Variants in MTARC2 observed in about 807,000 individuals in gnomAD.
The protein encoded by MTARC2 is MOCO sulphurase C-terminal domain containing 2.
A neutral mutation model predicts 35.6 loss-of-function variants in MTARC2; 27 were observed. The observed-to-expected ratio is 0.76, with a 90% CI of 0.56 to 1.04. The LOEUF is 1.04. Among genes scored for constraint, MTARC2 ranks in the 50% least tolerant of loss-of-function variants. The pLI is 0.00. For missense variants in MTARC2, 412 were observed against 432.5 expected, an observed-to-expected ratio of 0.95 and a Z score of 0.42; for synonymous variants, 158 against 167.1, an observed-to-expected ratio of 0.95 and a Z score of 0.42.
chr1:220,761,859 A>G (rs1030781884), intron 3 of MTARC2, 39 bp downstream of exon 3: 3 of 1,546,806 alleles, frequency 1.9e-6, no homozygotes, highest in Non-Finnish European at 2.6e-6. Flanking sequence ...GCTACTAGTC[A>G]CCCTTCTCTT....
intron 4 of MTARC2, among the ~76,000 whole-genome samples, 157 bp downstream of exon 4, chr1:220,763,207 T>C (rs1671488699): frequency 6.6e-6 from 1 of 152,036 alleles, no homozygotes; most frequent in Non-Finnish European, 1.5e-5. Context: ...TGTTCACCCA[T>C]TGTTGCTGCC....
chr1:220,770,179 T>C (rs534188645), intron 4 of MTARC2, among the ~76,000 whole-genome samples: 178 of 152,322 alleles, frequency 1.2e-3, no homozygotes, highest in Middle Eastern at 6.8e-3. Flanking sequence ...CTAGCTTTTT[T>C]GTAAGTGAAC....
chr1:220,764,135 C>T (rs1438968150), intron 4 of MTARC2, among the ~76,000 whole-genome samples: 1 of 151,864 alleles, frequency 6.6e-6, no homozygotes, highest in Non-Finnish European at 1.5e-5. Context: ...GCTCTGTCAC[C>T]CAGGCTGGAG....
chr1:220,748,682 C>T lies in MTARC2; in HGVS notation c.151C>T (p.Leu51=). Residue 51 remains leucine (L), a synonymous_variant, in exon 1 of 8, where the codon CTG becomes TTG. Transcript: ENST00000366913. ...CGCATGGCCCAGGCGGCGCCGGCGGCTGCAGCAGGTGGGCACCGTGGCGAA... is the reference window on the plus strand; with the variant it reads ...CGCATGGCCCAGGCGGCGCCGGCGGTTGCAGCAGGTGGGCACCGTGGCGAA... The part of the protein sequence containing the change: ...RRAWPRRRRR[L]QQVGTVAKLW... 6.3e-7 allele frequency: 1 copy of T among 1,586,914 alleles called. No homozygotes were observed. Among genetic ancestry groups the T allele is most frequent in the East Asian group, 2.3e-5 (1 of 42,646 alleles).
intron 4 of MTARC2, among the ~76,000 whole-genome samples, chr1:220,776,594 A>C (rs777925114): frequency 7.9e-5 from 12 of 152,190 alleles, no homozygotes; most frequent in Non-Finnish European, 1.8e-4. Context: ...TATTTTAGGA[A>C]GTAACTAGAG....
At position 220,753,942 on chromosome 1, in the gene MTARC2, C is replaced by G. The variant is rs573106485; in HGVS notation, c.273-1005C>G. Among the ~76,000 whole-genome samples the G allele has an allele frequency of 2.0e-5, 3 of 152,132 alleles. No individual in the cohort carries two copies. In the East Asian group the frequency reaches 5.8e-4, roughly 29 times the overall value. Reference sequence around the variant, plus strand: ...GTACACACCTGTAATCCCAGCTACCCGGGAGGCTAAGGCAAGAGAATCACT... The same window carrying G: ...GTACACACCTGTAATCCCAGCTACCGGGGAGGCTAAGGCAAGAGAATCACT... On this transcript the variant is annotated intron_variant, in intron 1 of 7. Coordinates refer to ENST00000366913, the MANE Select transcript of MTARC2 (RefSeq NM_017898.5).
chr1:220,782,080 A>C, intron 7 of MTARC2, 148 bp downstream of exon 7: 1 of 697,736 alleles, frequency 1.4e-6, no homozygotes, highest in Non-Finnish European at 2.2e-6. Context: ...AATGCCCTTA[A>C]TTTCTGTTCC....
chr1:220,756,629 G>A (rs1301489056), intron 2 of MTARC2, among the ~76,000 whole-genome samples: 1 of 152,230 alleles, frequency 6.6e-6, no homozygotes, highest in African/African-American at 2.4e-5. Flanking sequence ...CATTGAAGAG[G>A]AAGTGTGTAG....
At chr1:220,782,960 T>A (rs778232883) in intron 7 of MTARC2, among the ~76,000 whole-genome samples, 1 of 152,262 alleles carries the variant, frequency 6.6e-6, no homozygotes, top group Admixed American at 6.5e-5. Context: ...ATATCAGTTA[T>A]GTTTTTTATT....
chr1:220,781,636 CCA>C, intron 6 of MTARC2, 140 bp from the exon 7 acceptor site: 1 of 785,216 alleles, frequency 1.3e-6, no homozygotes, highest in Non-Finnish European at 2.0e-6. Context: ...GACTAATTGT[CCA>C]CAGACTTCTC....
chr1:220,770,646 T>C (rs1440228443), intron 4 of MTARC2: 8 of 861,046 alleles, frequency 9.3e-6, no homozygotes, highest in Middle Eastern at 5.9e-4. Flanking sequence ...ATGGACAAAG[T>C]GTGCTGAAAA....
Position 220,748,417 on chromosome 1 carries a change from G to C in MTARC2, c.-115G>C. The stretch of plus-strand genomic sequence containing the variant: ...CGGTGAAAGTGTGAGAGGGTCCGTA[G>C]TTGGGTCAACTTTGACTCCTCTCGC... On this transcript the variant is annotated 5_prime_UTR_variant, in exon 1 of 8. Transcript: ENST00000366913. 9.0e-7 allele frequency: 1 copy of C among 1,106,000 alleles called. No individual in the cohort carries two copies. The highest frequency in any genetic ancestry group is 1.2e-6 in the Non-Finnish European group (1 of 859,438). 68.5% of individuals were successfully genotyped at this position (1,106,000 alleles called of 1,614,324 possible). A position where few individuals can be genotyped will look rare whatever the true frequency, so the allele number is the denominator to read the frequency against.
intron 7 of MTARC2, among the ~76,000 whole-genome samples, chr1:220,783,412 C>T (rs1466179477): frequency 6.6e-6 from 1 of 152,188 alleles, no homozygotes; most frequent in Non-Finnish European, 1.5e-5. Context: ...ATCCTGTGTC[C>T]TGCTGTTCCA....
At position 220,784,545 on chromosome 1, in the gene MTARC2, G is replaced by A. The variant is rs1318539298; in HGVS notation, c.*658G>A. 1 of 152,228 alleles carries A rather than the reference G, an allele frequency of 6.6e-6. No individual in the cohort carries two copies. Among genetic ancestry groups the A allele is most frequent in the African/African-American group, 2.4e-5 (1 of 41,428 alleles). 9.4% of individuals were successfully genotyped at this position (152,228 alleles called of 1,614,324 possible). A position where few individuals can be genotyped will look rare whatever the true frequency, so the allele number is the denominator to read the frequency against. On this transcript the variant is annotated 3_prime_UTR_variant, in exon 8 of 8. Transcript: ENST00000366913. ...CCACATAAAAGTAATCTGTTTGTGTGTAACTGCCAGATATACCACCTGGAA... is the reference window on the plus strand; with the variant it reads ...CCACATAAAAGTAATCTGTTTGTGTATAACTGCCAGATATACCACCTGGAA...
At chr1:220,762,781 C>T (rs2102552658) in intron 3 of MTARC2, 129 bp from the exon 4 acceptor site, 1 of 986,736 alleles carries the variant, frequency 1.0e-6, no homozygotes, top group Non-Finnish European at 1.5e-6. Context: ...TCACATCTCT[C>T]TCCTTCCTGA....
chr1:220,780,738 C>G (rs755297145), intron 6 of MTARC2, among the ~76,000 whole-genome samples: 5 of 152,246 alleles, frequency 3.3e-5, no homozygotes, highest in Admixed American at 1.3e-4. Flanking sequence ...GCCACCATAC[C>G]CAGCTTTGAT....
intron 4 of MTARC2, among the ~76,000 whole-genome samples, chr1:220,766,860 C>CA (rs59711900): frequency 0.096 from 8,799 of 91,822 alleles, 441 homozygotes; most frequent in East Asian, 0.2. Context: ...AATAAAAGTA[C>CA]AAAAAAAAAA....
intron 4 of MTARC2, among the ~76,000 whole-genome samples, chr1:220,767,532 G>A (rs756980171): frequency 1.1e-4 from 17 of 152,272 alleles, no homozygotes; most frequent in African/African-American, 1.7e-4. Flanking sequence ...CTTGAGTTCC[G>A]GGAATGCAGC....
At chr1:220,783,232 T>G (rs1342875513) in intron 7 of MTARC2, among the ~76,000 whole-genome samples, 1 of 152,244 alleles carries the variant, frequency 6.6e-6, no homozygotes, top group African/African-American at 2.4e-5. Flanking sequence ...TTATCAGTGA[T>G]GCATATAATA....
Sources: allele counts gnomAD v4.1 joint callset (sites outside exome capture counted in the v4.1 genomes callset), GRCh38; gene constraint gnomAD v4.1.1; transcripts MANE v1.5; gene names NCBI Gene and HGNC (gene_info 2026-07-23, HGNC 2026-07-21).